PLD5: variants seen among roughly 807,000 people sequenced by gnomAD.
PLD5 encodes phospholipase D family member 5.
Under a neutral mutation model 61.1 loss-of-function variants are expected in PLD5, and 36 were observed. The observed-to-expected ratio is 0.59, with a 90% CI of 0.45 to 0.78. The LOEUF (loss-of-function observed/expected upper bound fraction) is 0.78. Ranked by LOEUF, PLD5 falls within the 30% of genes least tolerant of loss-of-function variation. The pLI, the probability that PLD5 is intolerant of heterozygous loss-of-function variation, is 0.00. For synonymous variants in PLD5, 243 were observed against 242.8 expected (o/e 1.00, Z -0.01); for missense variants, 515 against 644.4 (o/e 0.80, Z 2.17).
At chr1:242,113,180 C>G (rs191368193) in intron 7 of PLD5, among the ~76,000 whole-genome samples, 1 of 149,552 alleles carries the variant, frequency 6.7e-6, no homozygotes, top group African/African-American at 2.5e-5. Flanking sequence ...AACTCCGCCT[C>G]CCAGGTTGAT....
At position 242,228,442 on chromosome 1, in the gene PLD5, C is replaced by T. The variant is rs767538629; in HGVS notation, c.608-8327G>A. Among the ~76,000 whole-genome samples the T allele has an allele frequency of 5.7e-4, 86 of 152,188 alleles. 1 individual carries two copies. Among genetic ancestry groups the T allele is most frequent in the Non-Finnish European group, 7.3e-4 (50 of 68,030 alleles). ...GGTCCCATGTGAAAACATGTAGTCT[C>T]TATTTGGTCACAGCTGATTGGACCA... On this transcript the variant is annotated intron_variant, in intron 4 of 9. Transcript: ENST00000536534.
chr1:242,304,658 C>G (rs1436756216), intron 2 of PLD5, among the ~76,000 whole-genome samples: 1 of 152,184 alleles, frequency 6.6e-6, no homozygotes, highest in African/African-American at 2.4e-5. Flanking sequence ...ATTAACAAAT[C>G]TAAATTTGAA....
intron 2 of PLD5, among the ~76,000 whole-genome samples, chr1:242,325,499 G>A (rs35813540): frequency 0.87 from 129,832 of 148,836 alleles, 56,976 homozygotes; most frequent in East Asian, 0.95. Context: ...GGAGAGAAGA[G>A]AGAGAGAGAG....
chr1:242,393,135 C>T (rs1463224853), intron 1 of PLD5, among the ~76,000 whole-genome samples: 6 of 150,414 alleles, frequency 4.0e-5, no homozygotes, highest in African/African-American at 7.3e-5. Context: ...ACCCAGAAGG[C>T]GGAGGTTGCA....
At chr1:242,119,578 T>C (rs940582836) in intron 6 of PLD5, among the ~76,000 whole-genome samples, 1 of 152,176 alleles carries the variant, frequency 6.6e-6, no homozygotes, top group African/African-American at 2.4e-5. Context: ...AAAGAAGAGA[T>C]ACAAATGGCC....
intron 4 of PLD5, among the ~76,000 whole-genome samples, chr1:242,231,039 A>C (rs1355646217): frequency 2.6e-5 from 4 of 152,048 alleles, no homozygotes; most frequent in Non-Finnish European, 5.9e-5. Context: ...AAAAATAATA[A>C]ACTTACTTAA....
At chr1:242,140,866 C>G (rs1664109861) in intron 5 of PLD5, among the ~76,000 whole-genome samples, 1 of 152,064 alleles carries the variant, frequency 6.6e-6, no homozygotes. Context: ...CCTGTTAGTT[C>G]CAGAGGGAGC....
intron 1 of PLD5, among the ~76,000 whole-genome samples, chr1:242,389,232 A>C (rs1210767409): frequency 6.6e-6 from 1 of 152,124 alleles, no homozygotes; most frequent in Non-Finnish European, 1.5e-5. Context: ...TACTTTTCCT[A>C]AGTGTAAAAA....
At chr1:242,390,476 A>G (rs567758224) in intron 1 of PLD5, among the ~76,000 whole-genome samples, 39 of 152,342 alleles carry the variant, frequency 2.6e-4, no homozygotes, top group African/African-American at 8.7e-4. Flanking sequence ...TGGCAAATAA[A>G]AGGATATAAT....
chr1:242,182,135 G>T (rs1000148392), intron 5 of PLD5, among the ~76,000 whole-genome samples: 11 of 152,144 alleles, frequency 7.2e-5, no homozygotes, highest in African/African-American at 2.7e-4. Flanking sequence ...AGTTGGCCTT[G>T]CCTGACATCT....
At chr1:242,481,743 G>C (rs972833766) in intron 1 of PLD5, among the ~76,000 whole-genome samples, 1 of 152,226 alleles carries the variant, frequency 6.6e-6, no homozygotes, top group African/African-American at 2.4e-5. Context: ...TGAGATCTGA[G>C]AACAGACAGA....
Position 242,300,580 on chromosome 1 carries a change from C to T in PLD5, c.327-12050G>A, listed in dbSNP as rs78364478. 4.0e-3 allele frequency among the ~76,000 whole-genome samples: 606 copies of T among 151,590 alleles called. 2 individuals carry two copies. The highest frequency in any genetic ancestry group is 6.8e-3 in the Middle Eastern group (2 of 294). On this transcript the variant is annotated intron_variant, in intron 2 of 9. Transcript: ENST00000536534. Reference sequence around the variant, plus strand: ...GTGAGGTGGGGCAGAGTTGGGGGGACGGCAAAGGGGTTGGTGAAGAGTTAA... The same window carrying T: ...GTGAGGTGGGGCAGAGTTGGGGGGATGGCAAAGGGGTTGGTGAAGAGTTAA...
rs1434487135 is a variant in PLD5 at position 242,460,638 on chromosome 1, T to C, written c.189+63450A>G. Among the ~76,000 whole-genome samples, 4 of 151,882 alleles carry C rather than the reference T, an allele frequency of 2.6e-5. No individual in the cohort carries two copies. In the East Asian group the frequency reaches 5.8e-4, roughly 22 times the overall value. ...GACACACAAACAACACATACATACATACACACACATACACACACATCCCCA... is the reference window on the plus strand; with the variant it reads ...GACACACAAACAACACATACATACACACACACACATACACACACATCCCCA... On this transcript the variant is annotated intron_variant, in intron 1 of 9. Coordinates refer to ENST00000536534, the MANE Select transcript of PLD5 (RefSeq NM_001372062.1).
intron 5 of PLD5, among the ~76,000 whole-genome samples, chr1:242,147,845 T>G (rs992601185): frequency 1.3e-5 from 2 of 152,198 alleles, no homozygotes; most frequent in African/African-American, 4.8e-5. Context: ...TGGCACAGTT[T>G]TATTGGACTG....
At chr1:242,381,161 A>G (rs990232602) in intron 1 of PLD5, among the ~76,000 whole-genome samples, 1 of 152,250 alleles carries the variant, frequency 6.6e-6, no homozygotes, top group Non-Finnish European at 1.5e-5. Context: ...ATGCCCATCA[A>G]TGATAGACTG....
chr1:242,346,453 G>T (rs1390524283), intron 2 of PLD5, among the ~76,000 whole-genome samples: 11 of 152,098 alleles, frequency 7.2e-5, no homozygotes, highest in Non-Finnish European at 1.6e-4. Flanking sequence ...AGGAGAGAGA[G>T]AAGCAGTGTG....
At chr1:242,514,693 G>C (rs1488290180) in intron 1 of PLD5, among the ~76,000 whole-genome samples, 1 of 152,206 alleles carries the variant, frequency 6.6e-6, no homozygotes, top group African/African-American at 2.4e-5. Flanking sequence ...TTATTAAAGA[G>C]TGAGTAGTTT....
intron 1 of PLD5, among the ~76,000 whole-genome samples, chr1:242,397,356 T>C (rs1406568300): frequency 2.6e-5 from 4 of 151,588 alleles, no homozygotes; most frequent in Non-Finnish European, 5.9e-5. Flanking sequence ...GTTTTTTTTT[T>C]CCTCATATTT....
At chr1:242,442,979 G>C (rs1464104861) in intron 1 of PLD5, among the ~76,000 whole-genome samples, 1 of 152,146 alleles carries the variant, frequency 6.6e-6, no homozygotes, top group East Asian at 1.9e-4. Context: ...AACTGGGGAA[G>C]TCCTAGGTGT....
Sources: gnomAD v4.1 joint callset for allele counts (sites outside exome capture counted in the v4.1 genomes callset) on GRCh38, gnomAD v4.1.1 for gene constraint, MANE v1.5 for transcripts, NCBI Gene and HGNC (gene_info 2026-07-23, HGNC 2026-07-21) for gene names.